Variants in LONRF1 observed in about 807,000 individuals in gnomAD.
LONRF1 encodes the protein LON peptidase N-terminal domain and ring finger 1, also known as LON peptidase N-terminal domain and RING finger protein 1.
In LONRF1, 37 loss-of-function variants were observed where a neutral mutation model predicts 85.8. The observed-to-expected ratio is 0.43, with a 90% CI of 0.33 to 0.57. The LOEUF is 0.57. Ranked by LOEUF, LONRF1 falls within the 20% of genes least tolerant of loss-of-function variation. The pLI is 0.04. For missense variants in LONRF1, 1,036 were observed against 978.0 expected (o/e 1.06, Z -0.79); for synonymous variants, 517 against 390.1 (o/e 1.33, Z -3.83).
intron 6 of LONRF1, 167 bp from the exon 7 acceptor site, chr8:12,735,567 G>T (rs767571394): frequency 8.8e-6 from 5 of 571,322 alleles, no homozygotes; most frequent in Non-Finnish European, 1.2e-5. Flanking sequence ...ATACCCTCCA[G>T]AATGTTTTAA....
intron 11 of LONRF1, 81 bp downstream of exon 11, chr8:12,725,646 C>A: frequency 1.4e-6 from 2 of 1,397,622 alleles, no homozygotes; most frequent in Non-Finnish European, 2.0e-6. Flanking sequence ...GCAGAAAGGA[C>A]AATGAGAAAA....
intron 10 of LONRF1, among the ~76,000 whole-genome samples, chr8:12,726,205 ATT>A: frequency 6.6e-6 from 1 of 152,134 alleles, no homozygotes. Flanking sequence ...TTGGAATTCC[ATT>A]TGTCTTTATG....
intron 1 of LONRF1, among the ~76,000 whole-genome samples, chr8:12,749,823 C>T (rs959867768): frequency 2.6e-5 from 4 of 152,056 alleles, no homozygotes; most frequent in Non-Finnish European, 5.9e-5. Context: ...GCCAATTAAG[C>T]AGTAAACCCC....
intron 10 of LONRF1, among the ~76,000 whole-genome samples, chr8:12,728,018 T>G (rs775434129): frequency 1.3e-5 from 2 of 152,206 alleles, no homozygotes; most frequent in Non-Finnish European, 2.9e-5. Flanking sequence ...ATCTACTATT[T>G]CATAGAGTTG....
At chr8:12,735,669 C>A (rs1313683777) in intron 6 of LONRF1, 2 of 315,734 alleles carry the variant, frequency 6.3e-6, no homozygotes, top group African/African-American at 4.2e-5. Flanking sequence ...GACACTATGG[C>A]TACTAATCAC....
intron 6 of LONRF1, 137 bp from the exon 7 acceptor site, chr8:12,735,537 G>C (rs1175451099): frequency 4.9e-6 from 3 of 606,268 alleles, no homozygotes; most frequent in Non-Finnish European, 8.8e-6. Flanking sequence ...AGGAGAGAAA[G>C]GGCAGTGATA....
intron 10 of LONRF1, among the ~76,000 whole-genome samples, chr8:12,728,473 C>G (rs371128594): frequency 1.1e-4 from 17 of 152,294 alleles, no homozygotes; most frequent in African/African-American, 4.1e-4. Flanking sequence ...ACATTTACAT[C>G]AAATTTCAAT....
intron 1 of LONRF1, among the ~76,000 whole-genome samples, chr8:12,749,354 G>T (rs1232833207): frequency 1.3e-5 from 2 of 152,084 alleles, no homozygotes; most frequent in Non-Finnish European, 2.9e-5. Context: ...TTACCAAAGG[G>T]AAAGAAAAAA....
chr8:12,744,479 AG>A (rs1281957322), intron 1 of LONRF1, among the ~76,000 whole-genome samples: 1 of 152,212 alleles, frequency 6.6e-6, no homozygotes, highest in Non-Finnish European at 1.5e-5. Flanking sequence ...AAAATGCATA[AG>A]AATTAAAAGT....
intron 1 of LONRF1, among the ~76,000 whole-genome samples, chr8:12,747,949 G>C (rs1799230813): frequency 6.6e-6 from 1 of 151,950 alleles, no homozygotes; most frequent in Admixed American, 6.6e-5. Context: ...TTTTTAACAT[G>C]TAGTTTTATA....
chr8:12,754,759 A>AG lies in LONRF1; in HGVS notation c.661dup (p.Leu221ProfsTer24). The AG allele has an allele frequency of 6.8e-7, 1 of 1,460,890 alleles. No homozygotes were observed. Among genetic ancestry groups the AG allele is most frequent in the Non-Finnish European group, 9.0e-7 (1 of 1,115,010 alleles). 90.5% of individuals were successfully genotyped at this position (1,460,890 alleles called of 1,614,324 possible). ...CTCCCGGTAGCGCCCCTGGTGCAGT[A>AG]GCTCCCCGAGCCTGCCGGCCGCCCG... On this transcript the variant is annotated frameshift_variant, in exon 1 of 12. Transcript: ENST00000398246. LOFTEE classifies it high-confidence loss of function.
chr8:12,738,406 C>G (rs1485397070), intron 3 of LONRF1, among the ~76,000 whole-genome samples: 1 of 152,078 alleles, frequency 6.6e-6, no homozygotes, highest in Non-Finnish European at 1.5e-5. Flanking sequence ...AGGATAAAGG[C>G]TGATCTTTCA....
At chr8:12,744,858 G>C (rs200583360) in intron 1 of LONRF1, among the ~76,000 whole-genome samples, 3 of 132,666 alleles carry the variant, frequency 2.3e-5, no homozygotes, top group African/African-American at 8.2e-5. Flanking sequence ...GCAACAAGCA[G>C]CCCATTCTTG....
Position 12,754,965 on chromosome 8 carries a change from G to C in LONRF1, c.456C>G (p.Arg152=). 1 of 1,490,998 alleles carries C rather than the reference G, an allele frequency of 6.7e-7. No individual in the cohort carries two copies. The highest frequency in any genetic ancestry group is 8.9e-7 in the Non-Finnish European group (1 of 1,126,092). The allele number at this position is 1,490,998 out of a possible 1,614,324, so 92.4% of individuals were successfully genotyped here. A position where few individuals can be genotyped will look rare whatever the true frequency, so the allele number is the denominator to read the frequency against. ...YCRRCLRREL[R]ARCRLCRDRL... ...GGTCCCGGCAGAGGCGGCAGCGGGC[G>C]CGGAGTTCCCTCCGCAGGCAGCGGC... Residue 152 remains arginine (R), a synonymous_variant, in exon 1 of 12, where the codon CGC becomes CGG. Coordinates refer to ENST00000398246, the MANE Select transcript of LONRF1 (RefSeq NM_152271.5).
At chr8:12,731,685 T>C (rs1269589948) in intron 8 of LONRF1, 51 bp downstream of exon 8, 4 of 1,521,120 alleles carry the variant, frequency 2.6e-6, no homozygotes, top group Non-Finnish European at 3.6e-6. Flanking sequence ...AGGTTTTTCC[T>C]TACTATTAAA....
At chr8:12,754,628 G>A (rs1014060849) in intron 1 of LONRF1, 72 bp downstream of exon 1, 18 of 1,249,644 alleles carry the variant, frequency 1.4e-5, no homozygotes, top group African/African-American at 1.1e-4. Flanking sequence ...GCGCAGACAA[G>A]CTCCGGGTCC....
chr8:12,737,453 T>G, intron 4 of LONRF1: 1 of 475,054 alleles, frequency 2.1e-6, no homozygotes, highest in Non-Finnish European at 3.9e-6. Flanking sequence ...AACAACTATT[T>G]ACATAGTATT....
At chr8:12,728,787 G>GT in intron 10 of LONRF1, 114 bp downstream of exon 10, 1 of 1,164,380 alleles carries the variant, frequency 8.6e-7, no homozygotes, top group East Asian at 2.4e-5. Flanking sequence ...CATCACAGTG[G>GT]TAAGGCTGTC....
intron 1 of LONRF1, 33 bp downstream of exon 1, chr8:12,754,667 C>G (rs1052992452): frequency 2.7e-5 from 35 of 1,300,410 alleles, no homozygotes; most frequent in Middle Eastern, 2.9e-4. Context: ...AGGGTGCGGT[C>G]GGCCCGGCCC....
Sources: allele counts gnomAD v4.1 joint callset (sites outside exome capture counted in the v4.1 genomes callset), GRCh38; gene constraint gnomAD v4.1.1; transcripts MANE v1.5; gene names NCBI Gene and HGNC (gene_info 2026-07-23, HGNC 2026-07-21).